Variants in DAND5 observed in about 807,000 individuals in gnomAD.
DAND5 encodes the protein DAN domain family member 5.
Under a neutral mutation model 9.2 loss-of-function variants are expected in DAND5, and 8 were observed. The observed-to-expected ratio is 0.87, with a 90% confidence interval of 0.51 to 1.56. The LOEUF is 1.56. Ranked by LOEUF, DAND5 falls within the 40% of genes most tolerant of loss-of-function variation. The probability of loss-of-function intolerance (pLI) is 0.00; values close to 1 mark genes in which losing one functional copy is unlikely to be tolerated. For missense variants in DAND5, 244 were observed against 244.7 expected, an observed-to-expected ratio of 1.00 and a Z score of 0.02; for synonymous variants, 95 against 101.1, an observed-to-expected ratio of 0.94 and a Z score of 0.36.
chr19:12,969,762 G>T lies in DAND5; in HGVS notation c.102G>T (p.Trp34Cys). The T allele has an allele frequency of 2.5e-6, 4 of 1,588,720 alleles. No individual in the cohort carries two copies. The highest frequency in any genetic ancestry group is 3.4e-6 in the Non-Finnish European group (4 of 1,168,860). Residue 34 changes from tryptophan (W) to cysteine (C), a missense_variant, in exon 1 of 2, where the codon TGG becomes TGT. Trp to Cys is a radical substitution (Grantham distance 215, BLOSUM62 -2). Coordinates refer to ENST00000317060, the MANE Select transcript of DAND5 (RefSeq NM_152654.3). The stretch of plus-strand genomic sequence containing the variant: ...CCCAGTCTCCTCGACCTCAGTCCTG[G>T]GCTGCAGCCAATCAGACCTGGGCTC... The part of the protein sequence containing the change: ...PEPQSPRPQS[W>C]AAANQTWALG...
chr19:12,973,054 G>A (rs956199565), intron 1 of DAND5, among the ~76,000 whole-genome samples: 6 of 151,574 alleles, frequency 4.0e-5, no homozygotes, highest in Middle Eastern at 3.4e-3. Flanking sequence ...AGTAGAGACG[G>A]GGTTTCACCG....
At chr19:12,973,018 A>T (rs1325294374) in intron 1 of DAND5, among the ~76,000 whole-genome samples, 8 of 149,232 alleles carry the variant, frequency 5.4e-5, no homozygotes, top group Non-Finnish European at 8.9e-5. Flanking sequence ...GCCCACCACC[A>T]CGCCCGGCTC....
chr19:12,970,842 G>A (rs183389886), intron 1 of DAND5, among the ~76,000 whole-genome samples: 373 of 152,066 alleles, frequency 2.5e-3, no homozygotes, highest in Non-Finnish European at 3.7e-3. Context: ...TACCATGTCC[G>A]GCTAAATTTT....
Position 12,974,539 on chromosome 19 carries a change from A to AC in DAND5, c.*905_*906insC, listed in dbSNP as rs1467321230. 6.6e-6 allele frequency: 1 copy of AC among 151,480 alleles called. No individual in the cohort carries two copies. Among genetic ancestry groups the AC allele is most frequent in the Non-Finnish European group, 1.5e-5 (1 of 67,930 alleles). The allele number at this position is 151,480 out of a possible 1,614,324, so 9.4% of individuals were successfully genotyped here. Reference sequence around the variant, plus strand: ...AGGGACACCAAAAAAGAAAAAAAAAAAAACCCAAACCAAAAACGCAAACCA... The same window carrying AC: ...AGGGACACCAAAAAAGAAAAAAAAAACAAACCCAAACCAAAAACGCAAACCA... On this transcript the variant is annotated 3_prime_UTR_variant, in exon 2 of 2. Transcript: ENST00000317060.
chr19:12,969,627 A>G lies in DAND5; in HGVS notation c.-34A>G, dbSNP rs768790938. On this transcript the variant is annotated 5_prime_UTR_variant, in exon 1 of 2. Coordinates refer to ENST00000317060, the MANE Select transcript of DAND5 (RefSeq NM_152654.3). ...TAGTGACCTTGAGCCCAGTCCGGACAGACAGACAGGCAGACAGACGCACGG... is the reference window on the plus strand; with the variant it reads ...TAGTGACCTTGAGCCCAGTCCGGACGGACAGACAGGCAGACAGACGCACGG... The G allele has an allele frequency of 1.3e-6, 2 of 1,560,318 alleles. No individual in the cohort carries two copies. The highest frequency in any genetic ancestry group is 1.9e-5 in the Admixed American group (1 of 51,688).
chr19:12,969,751 C>G lies in DAND5; in HGVS notation c.91C>G (p.Pro31Ala). Reference sequence around the variant, plus strand: ...GAGGCCTGAACCCCAGTCTCCTCGACCTCAGTCCTGGGCTGCAGCCAATCA... The same window carrying G: ...GAGGCCTGAACCCCAGTCTCCTCGAGCTCAGTCCTGGGCTGCAGCCAATCA... ...SGRPEPQSPR[P>A]QSWAAANQTW... Residue 31 changes from proline (P) to alanine (A), a missense_variant, in exon 1 of 2, where the codon CCT becomes GCT. Coordinates refer to ENST00000317060, the MANE Select transcript of DAND5 (RefSeq NM_152654.3). The G allele has an allele frequency of 6.3e-7, 1 of 1,591,448 alleles. No individual in the cohort carries two copies. The highest frequency in any genetic ancestry group is 8.5e-7 in the Non-Finnish European group (1 of 1,169,862).
chr19:12,969,787 CTG>C lies in DAND5; in HGVS notation c.128_129del (p.Leu43ArgfsTer59). The C allele has an allele frequency of 1.3e-6, 2 of 1,593,914 alleles. No individual in the cohort carries two copies. The highest frequency in any genetic ancestry group is 1.7e-6 in the Non-Finnish European group (2 of 1,171,178). ...SWAAANQTWA[L>X]GPGALPPLVP... ...GGCTGCAGCCAATCAGACCTGGGCT[CTG>C]GGCCCAGGGGCCCTGCCCCCACTGG... On this transcript the variant is annotated frameshift_variant, in exon 1 of 2. Transcript: ENST00000317060. LOFTEE classifies it high-confidence loss of function.
Position 12,969,784 on chromosome 19 carries a change from G to A in DAND5, c.124G>A (p.Ala42Thr), listed in dbSNP as rs1409004261. ...QSWAAANQTW[A>T]LGPGALPPLV... ...CTGGGCTGCAGCCAATCAGACCTGG[G>A]CTCTGGGCCCAGGGGCCCTGCCCCC... Residue 42 changes from alanine (A) to threonine (T), a missense_variant, in exon 1 of 2, where the codon GCT becomes ACT. Physicochemically the swap from Ala to Thr is moderately conservative, Grantham distance 58 (BLOSUM62 0). Transcript: ENST00000317060. The A allele has an allele frequency of 3.1e-6, 5 of 1,592,950 alleles. No homozygotes were observed. The highest frequency in any genetic ancestry group is 3.4e-6 in the Non-Finnish European group (4 of 1,170,758).
intron 1 of DAND5, among the ~76,000 whole-genome samples, chr19:12,971,528 C>T (rs1454393071): frequency 6.6e-5 from 10 of 152,096 alleles, no homozygotes; most frequent in Admixed American, 5.2e-4. Flanking sequence ...CCACCTGCCT[C>T]GGCCTCCCCA....
In DAND5 at chr19:12,969,595, C is replaced by G. The variant is rs751104409; in HGVS notation, c.-66C>G. The G allele has an allele frequency of 2.7e-6, 4 of 1,503,552 alleles. No homozygotes were observed. Among genetic ancestry groups the G allele is most frequent in the Admixed American group, 2.2e-5 (1 of 45,754 alleles). 93.1% of individuals were successfully genotyped at this position (1,503,552 alleles called of 1,614,324 possible). A position where few individuals can be genotyped will look rare whatever the true frequency, so the allele number is the denominator to read the frequency against. On this transcript the variant is annotated 5_prime_UTR_variant, in exon 1 of 2. Transcript: ENST00000317060. Reference sequence around the variant, plus strand: ...GATGCCACTCACCAGACAGCAGGGTCGACTGCTAGTGACCTTGAGCCCAGT... The same window carrying G: ...GATGCCACTCACCAGACAGCAGGGTGGACTGCTAGTGACCTTGAGCCCAGT...
chr19:12,973,010 C>G (rs974508001), intron 1 of DAND5, among the ~76,000 whole-genome samples: 12 of 151,622 alleles, frequency 7.9e-5, no homozygotes, highest in African/African-American at 2.9e-4. Flanking sequence ...CTACAGGCGC[C>G]CACCACCACG....
intron 1 of DAND5, among the ~76,000 whole-genome samples, chr19:12,970,220 T>C (rs2011139504): frequency 6.6e-6 from 1 of 151,470 alleles, no homozygotes; most frequent in African/African-American, 2.4e-5. Context: ...AGCCAGAGGG[T>C]GCCTGTGAAC....
rs1489169124 is a variant in DAND5, at chr19:12,970,555, TTGATA to T, written c.324+573_324+577del. ...TTCTAGGTGTGAGCCCGTCTCTTGCTTGATATACCAACTTTCTTTCTTTTCTTTCT... is the reference window on the plus strand; with the variant it reads ...TTCTAGGTGTGAGCCCGTCTCTTGCTTACCAACTTTCTTTCTTTTCTTTCT... On this transcript the variant is annotated intron_variant, in intron 1 of 1. Coordinates refer to ENST00000317060, the MANE Select transcript of DAND5 (RefSeq NM_152654.3). The T allele has an allele frequency of 1.7e-4, 92 of 531,806 alleles. No homozygotes were observed. In the East Asian group the frequency reaches 2.9e-3, roughly 17 times the overall value. The allele number at this position is 531,806 out of a possible 1,614,324, so 32.9% of individuals were successfully genotyped here. A position where few individuals can be genotyped will look rare whatever the true frequency, so the allele number is the denominator to read the frequency against.
At position 12,969,781 on chromosome 19, in the gene DAND5, T is replaced by C. The variant is rs201782751; in HGVS notation, c.121T>C (p.Trp41Arg). 11 of 1,591,496 alleles carry C rather than the reference T, an allele frequency of 6.9e-6. No individual in the cohort carries two copies. The East Asian group carries it at 2.2e-4, about 32-fold the overall frequency. ...PQSWAAANQT[W>R]ALGPGALPPL... Reference sequence around the variant, plus strand: ...GTCCTGGGCTGCAGCCAATCAGACCTGGGCTCTGGGCCCAGGGGCCCTGCC... The same window carrying C: ...GTCCTGGGCTGCAGCCAATCAGACCCGGGCTCTGGGCCCAGGGGCCCTGCC... The change falls in exon 1 of 2, where the codon TGG becomes CGG. Residue 41 changes from tryptophan to arginine, a missense_variant. Coordinates refer to ENST00000317060, the MANE Select transcript of DAND5 (RefSeq NM_152654.3).
chr19:12,970,129 G>A (rs1027806969), intron 1 of DAND5, 145 bp downstream of exon 1: 33 of 966,082 alleles, frequency 3.4e-5, no homozygotes, highest in South Asian at 1.0e-4. Context: ...TGTAAAATGC[G>A]ACCCAAGCCT....
chr19:12,972,237 T>A (rs1305690101), intron 1 of DAND5, among the ~76,000 whole-genome samples: 1 of 151,938 alleles, frequency 6.6e-6, no homozygotes, highest in Admixed American at 6.6e-5. Context: ...TTTTTTGTAT[T>A]TTTAGTAGAG....
Position 12,974,446 on chromosome 19 carries a change from A to G in DAND5, c.*812A>G, listed in dbSNP as rs149262640. 7.0e-4 allele frequency: 106 copies of G among 152,218 alleles called. 2 individuals are homozygous for G. The highest frequency in any genetic ancestry group is 2.4e-3 in the African/African-American group (101 of 41,358). 9.4% of individuals were successfully genotyped at this position (152,218 alleles called of 1,614,324 possible). On this transcript the variant is annotated 3_prime_UTR_variant, in exon 2 of 2. Coordinates refer to ENST00000317060, the MANE Select transcript of DAND5 (RefSeq NM_152654.3). ...TGTCTCTTATAGAATGAGGTCAAAG[A>G]CACTCCCAGTTGCAGGGAGGGTAGA...
At position 12,973,429 on chromosome 19, in the gene DAND5, A is replaced by G. The variant is rs958193268; in HGVS notation, c.365A>G (p.Asn122Ser). The change falls in exon 2 of 2, where the codon AAT becomes AGT. Residue 122 changes from asparagine (N) to serine (S), a missense_variant. Coordinates refer to ENST00000317060, the MANE Select transcript of DAND5 (RefSeq NM_152654.3). Reference sequence around the variant, plus strand: ...GGCTGCTCAGCCATACGCCTCCGAAATCATCTGTGCTTTGGTCATTGCTCC... The same window carrying G: ...GGCTGCTCAGCCATACGCCTCCGAAGTCATCTGTGCTTTGGTCATTGCTCC... ...RPGCSAIRLR[N>S]HLCFGHCSSL... 1.2e-6 allele frequency: 2 copies of G among 1,613,974 alleles called. No homozygotes were observed. The highest frequency in any genetic ancestry group is 8.5e-7 in the Non-Finnish European group (1 of 1,179,990).
At chr19:12,971,272 A>G (rs563768173) in intron 1 of DAND5, among the ~76,000 whole-genome samples, 2 of 151,252 alleles carry the variant, frequency 1.3e-5, no homozygotes, top group African/African-American at 4.9e-5. Flanking sequence ...TTTTCTTATT[A>G]TTTATTTTAT....
Sources: gnomAD v4.1 joint callset for allele counts (sites outside exome capture counted in the v4.1 genomes callset) on GRCh38, gnomAD v4.1.1 for gene constraint, MANE v1.5 for transcripts, NCBI Gene and HGNC (gene_info 2026-07-23, HGNC 2026-07-21) for gene names.